The following CACNA2D2 variants were observed in gnomAD, a reference collection of about 807,000 sequenced individuals.
CACNA2D2 encodes the protein calcium voltage-gated channel auxiliary subunit alpha2delta 2.
In CACNA2D2, 48 loss-of-function variants were observed where a neutral mutation model predicts 166.4. That is an observed-to-expected ratio of 0.29 (90% CI 0.23 to 0.37). The LOEUF is 0.37. Among genes scored for constraint, CACNA2D2 ranks in the 10% least tolerant of loss-of-function variants. CACNA2D2 has a pLI of 1.00. For missense variants in CACNA2D2, 1,122 were observed against 1,433.0 expected (o/e 0.78, Z 3.50); for synonymous variants, 561 against 573.7 (o/e 0.98, Z 0.32).
chr3:50,420,185 G>T (rs772075287), intron 3 of CACNA2D2, among the ~76,000 whole-genome samples: 1 of 152,248 alleles, frequency 6.6e-6, no homozygotes, highest in African/African-American at 2.4e-5. Flanking sequence ...CGAGGGAGTC[G>T]CAGTAAGAGA....
intron 1 of CACNA2D2, among the ~76,000 whole-genome samples, chr3:50,488,581 C>T (rs1575771214): frequency 6.6e-6 from 1 of 151,134 alleles, no homozygotes; most frequent in East Asian, 2.0e-4. Flanking sequence ...CCACCCCACC[C>T]CCCACACCTC....
intron 2 of CACNA2D2, among the ~76,000 whole-genome samples, chr3:50,439,517 C>T (rs571492135): frequency 1.3e-5 from 2 of 152,378 alleles, no homozygotes; most frequent in African/African-American, 2.4e-5. Flanking sequence ...CTGGCCTGAG[C>T]CCCGAGGCAT....
chr3:50,403,828 T>G (rs1480995769), intron 3 of CACNA2D2, among the ~76,000 whole-genome samples: 1 of 152,182 alleles, frequency 6.6e-6, no homozygotes, highest in African/African-American at 2.4e-5. Context: ...CCTGGCTAGC[T>G]CCTCCTCATC....
chr3:50,502,527 T>C (rs1699019351), intron 1 of CACNA2D2, among the ~76,000 whole-genome samples: 1 of 152,224 alleles, frequency 6.6e-6, no homozygotes, highest in Non-Finnish European at 1.5e-5. Context: ...GAGAAGCTAT[T>C]ACTCTGTTGG....
At chr3:50,388,135 G>A (rs888607564) in intron 4 of CACNA2D2, among the ~76,000 whole-genome samples, 2 of 152,168 alleles carry the variant, frequency 1.3e-5, no homozygotes, top group African/African-American at 2.4e-5. Context: ...CAGCCCTGGC[G>A]CCTGCCTCCC....
intron 3 of CACNA2D2, among the ~76,000 whole-genome samples, chr3:50,418,436 C>T (rs13087550): frequency 0.16 from 24,194 of 152,184 alleles, 2,624 homozygotes; most frequent in East Asian, 0.41. Flanking sequence ...TATGCCCCTA[C>T]GTGGCCTGCC....
intron 2 of CACNA2D2, among the ~76,000 whole-genome samples, chr3:50,438,713 G>A (rs184555629): frequency 2.4e-4 from 37 of 152,268 alleles, no homozygotes; most frequent in Non-Finnish European, 4.9e-4. Flanking sequence ...AAGTGACCTG[G>A]GCAGGCCCCA....
chr3:50,396,257 A>G (rs1706144985), intron 3 of CACNA2D2, among the ~76,000 whole-genome samples: 1 of 151,354 alleles, frequency 6.6e-6, no homozygotes, highest in Admixed American at 6.6e-5. Flanking sequence ...AGCATCCCTC[A>G]CACCACCTCC....
At chr3:50,406,785 C>T (rs905147994) in intron 3 of CACNA2D2, among the ~76,000 whole-genome samples, 1 of 151,820 alleles carries the variant, frequency 6.6e-6, no homozygotes, top group Non-Finnish European at 1.5e-5. Flanking sequence ...ACGACCATCA[C>T]CCCACTGTGG....
At chr3:50,490,238 G>C (rs1338084583) in intron 1 of CACNA2D2, among the ~76,000 whole-genome samples, 1 of 152,140 alleles carries the variant, frequency 6.6e-6, no homozygotes, top group Non-Finnish European at 1.5e-5. Context: ...GGTTCAGCTG[G>C]CTCCCATAGA....
chr3:50,367,794 A>T lies in CACNA2D2; in HGVS notation c.2234+18T>A. Reference sequence around the variant, plus strand: ...GCCCATCCTAGCCTTCTGCCCCCACAGGCTGGGTGATGCCTACGTGTTGAG... The same window carrying T: ...GCCCATCCTAGCCTTCTGCCCCCACTGGCTGGGTGATGCCTACGTGTTGAG... On this transcript the variant is annotated intron_variant, in intron 25 of 37. Transcript: ENST00000424201. This position sits in a 1 kb window ranked among gnomAD's most constrained non-coding sequence, Gnocchi z 6.5. The T allele has an allele frequency of 6.2e-7, 1 of 1,613,026 alleles. No individual in the cohort carries two copies. Among genetic ancestry groups the T allele is most frequent in the Non-Finnish European group, 8.5e-7 (1 of 1,179,466 alleles).
At chr3:50,436,815 C>T (rs1708373219) in intron 2 of CACNA2D2, among the ~76,000 whole-genome samples, 1 of 152,226 alleles carries the variant, frequency 6.6e-6, no homozygotes, top group Non-Finnish European at 1.5e-5. Flanking sequence ...AGCTGGTAGC[C>T]TCAGTTTCCT....
chr3:50,365,996 T>C lies in CACNA2D2; in HGVS notation c.2862+15A>G. On this transcript the variant is annotated intron_variant, in intron 32 of 37. Transcript: ENST00000424201. This position sits in a 1 kb window ranked among gnomAD's most constrained non-coding sequence, Gnocchi z 4.5. The stretch of plus-strand genomic sequence containing the variant: ...GTCCCCCCCATCTCCAGTCCAGGCA[T>C]CTCTGGGGACTCACCACAAAGACAC... The C allele has an allele frequency of 1.2e-6, 2 of 1,611,490 alleles. No individual in the cohort carries two copies. Among genetic ancestry groups the C allele is most frequent in the Non-Finnish European group, 1.7e-6 (2 of 1,179,058 alleles).
chr3:50,446,422 C>T (rs961387864), intron 2 of CACNA2D2, among the ~76,000 whole-genome samples: 2 of 152,362 alleles, frequency 1.3e-5, no homozygotes, highest in East Asian at 1.9e-4. Flanking sequence ...GGACTTACCA[C>T]ATGCATGAAC....
At chr3:50,470,770 C>T (rs890423532) in intron 2 of CACNA2D2, among the ~76,000 whole-genome samples, 6 of 151,646 alleles carry the variant, frequency 4.0e-5, no homozygotes, top group Admixed American at 3.9e-4. Context: ...AGGCAGAGAG[C>T]AGGCCGGGTT....
intron 3 of CACNA2D2, among the ~76,000 whole-genome samples, chr3:50,426,652 G>A (rs1707820681): frequency 6.6e-6 from 1 of 152,164 alleles, no homozygotes; most frequent in African/African-American, 2.4e-5. Context: ...ATTTTGACTA[G>A]TAGGTGCTAG....
chr3:50,485,970 G>A (rs553614554), intron 1 of CACNA2D2, among the ~76,000 whole-genome samples: 4 of 152,158 alleles, frequency 2.6e-5, no homozygotes, highest in African/African-American at 7.2e-5. Context: ...CACCCACCCC[G>A]GCCACTGACA....
chr3:50,497,634 T>C (rs1207737874), intron 1 of CACNA2D2, among the ~76,000 whole-genome samples: 1 of 152,186 alleles, frequency 6.6e-6, no homozygotes, highest in Non-Finnish European at 1.5e-5. Flanking sequence ...AGTCTGCCCC[T>C]TAGGTCCTGA....
intron 3 of CACNA2D2, among the ~76,000 whole-genome samples, chr3:50,401,415 A>ACC (rs1706447854): frequency 6.6e-6 from 1 of 152,032 alleles, no homozygotes; most frequent in Admixed American, 6.6e-5. Context: ...CAGTGCCTGC[A>ACC]CCCCCTCAGT....
Sources: allele counts gnomAD v4.1 joint callset (sites outside exome capture counted in the v4.1 genomes callset), GRCh38; gene constraint gnomAD v4.1.1; non-coding constraint Gnocchi (gnomAD v3.1); transcripts MANE v1.5; gene names NCBI Gene and HGNC (gene_info 2026-07-23, HGNC 2026-07-21).